CSMD1: variants seen among roughly 807,000 people sequenced by gnomAD.
CSMD1 encodes CUB and sushi domain-containing protein 1.
Under a neutral mutation model 417.5 loss-of-function variants are expected in CSMD1, and 213 were observed. The ratio of observed to expected loss-of-function variants is 0.51; its 90% CI spans 0.46 to 0.57. CSMD1 has a LOEUF of 0.57. CSMD1 is among the 20% of genes least tolerant of loss of function. The pLI, the probability that CSMD1 is intolerant of heterozygous loss-of-function variation, is 0.00. For synonymous variants in CSMD1, 2,862 were observed against 1,736.8 expected (o/e 1.65, Z -16.11); for missense variants, 6,923 against 4,529.7 (o/e 1.53, Z -15.17).
At chr8:3,606,683 A>T (rs889144743) in intron 8 of CSMD1, among the ~76,000 whole-genome samples, 1 of 150,168 alleles carries the variant, frequency 6.7e-6, no homozygotes, top group Admixed American at 6.7e-5. Context: ...AATTAACCTT[A>T]ACTTACTGTA....
intron 5 of CSMD1, among the ~76,000 whole-genome samples, chr8:3,951,778 G>C (rs576883276): frequency 6.6e-6 from 1 of 152,086 alleles, no homozygotes; most frequent in Admixed American, 6.6e-5. Flanking sequence ...GGTGACCTGT[G>C]CTGAGAACAA....
chr8:4,683,876 G>A (rs1277611218), intron 1 of CSMD1, among the ~76,000 whole-genome samples: 1 of 152,190 alleles, frequency 6.6e-6, no homozygotes, highest in Non-Finnish European at 1.5e-5. Flanking sequence ...ATCACTAATT[G>A]TCAAGAACTT....
At chr8:3,249,749 A>C (rs549500464) in intron 26 of CSMD1, among the ~76,000 whole-genome samples, 5 of 51,616 alleles carry the variant, frequency 9.7e-5, no homozygotes, top group Admixed American at 2.4e-4. Flanking sequence ...GAATGTGTTT[A>C]TTTCCGTTTT....
intron 2 of CSMD1, among the ~76,000 whole-genome samples, chr8:4,462,594 T>C (rs1799902406): frequency 6.6e-6 from 1 of 152,172 alleles, no homozygotes; most frequent in African/African-American, 2.4e-5. Context: ...CAGCACTTTC[T>C]AGGAAACCGC....
intron 2 of CSMD1, among the ~76,000 whole-genome samples, chr8:4,635,906 A>G (rs2617001): frequency 0.34 from 51,524 of 151,892 alleles, 9,073 homozygotes; most frequent in Non-Finnish European, 0.38. Context: ...TGAAAGGTAA[A>G]CATGCTACTA....
At chr8:3,104,475 G>A (rs1815984352) in intron 46 of CSMD1, among the ~76,000 whole-genome samples, 1 of 152,010 alleles carries the variant, frequency 6.6e-6, no homozygotes, top group African/African-American at 2.4e-5. Context: ...CTGGCCCTCT[G>A]CTCAGGTAGC....
intron 10 of CSMD1, among the ~76,000 whole-genome samples, chr8:3,502,377 A>C (rs1018843807): frequency 8.6e-5 from 13 of 151,630 alleles, no homozygotes; most frequent in Middle Eastern, 3.4e-3. Context: ...AAAAAAAAAA[A>C]AAAAGAAGTA....
chr8:4,788,569 CAG>C, intron 1 of CSMD1: 1 of 1,337,862 alleles, frequency 7.5e-7, no homozygotes, highest in Non-Finnish European at 1.0e-6. Context: ...ACAAGAAAAT[CAG>C]AGAATGTAAT....
intron 5 of CSMD1, among the ~76,000 whole-genome samples, chr8:3,922,944 G>C (rs925324123): frequency 1.3e-5 from 2 of 152,188 alleles, no homozygotes; most frequent in African/African-American, 4.8e-5. Flanking sequence ...GAAACAGATT[G>C]TGTGAGCCCC....
intron 1 of CSMD1, among the ~76,000 whole-genome samples, chr8:4,980,310 C>T (rs369536355): frequency 3.0e-4 from 46 of 152,248 alleles, no homozygotes; most frequent in African/African-American, 1.1e-3. Flanking sequence ...GCCACAAGGG[C>T]TGTGTGCCTA....
intron 23 of CSMD1, among the ~76,000 whole-genome samples, chr8:3,329,957 A>G (rs1217401678): frequency 2.6e-5 from 4 of 152,240 alleles, no homozygotes; most frequent in Admixed American, 1.3e-4. Flanking sequence ...ATTAATATAC[A>G]ATCATCTATT....
At chr8:4,367,551 G>C (rs370734073) in intron 3 of CSMD1, among the ~76,000 whole-genome samples, 1 of 151,972 alleles carries the variant, frequency 6.6e-6, no homozygotes, top group South Asian at 2.1e-4. Flanking sequence ...GGGGCTCTTT[G>C]GGCTCCATAT....
chr8:3,267,405 G>A (rs1355912757), intron 26 of CSMD1, among the ~76,000 whole-genome samples: 2 of 152,186 alleles, frequency 1.3e-5, no homozygotes, highest in Non-Finnish European at 2.9e-5. Context: ...GCAAGGCTTC[G>A]CTGCAACAAT....
intron 3 of CSMD1, among the ~76,000 whole-genome samples, chr8:4,041,242 C>G (rs917686954): frequency 3.3e-5 from 5 of 152,136 alleles, no homozygotes; most frequent in South Asian, 2.1e-4. Context: ...TGGTCACGAT[C>G]TCCTGACCTC....
intron 6 of CSMD1, among the ~76,000 whole-genome samples, 177 bp from the exon 7 acceptor site, chr8:3,708,668 G>T (rs976770856): frequency 1.3e-5 from 2 of 152,164 alleles, no homozygotes; most frequent in African/African-American, 4.8e-5. Flanking sequence ...AATAATTATT[G>T]TGAGGCTATC....
Position 4,189,018 on chromosome 8 carries a change from T to A in CSMD1, c.416-156919A>T, listed in dbSNP as rs531236465. On this transcript the variant is annotated intron_variant, in intron 3 of 69. Coordinates refer to ENST00000635120, the MANE Select transcript of CSMD1 (RefSeq NM_033225.6). ...GATGTAAACAGAAATACACGGTTACTGGGCAAAGCCACTGAAAGCCCAGGT... is the reference window on the plus strand; with the variant it reads ...GATGTAAACAGAAATACACGGTTACAGGGCAAAGCCACTGAAAGCCCAGGT... Among the ~76,000 whole-genome samples the A allele has an allele frequency of 2.0e-5, 3 of 152,274 alleles. No individual in the cohort carries two copies. In the South Asian group the frequency reaches 6.2e-4, roughly 32 times the overall value.
chr8:4,386,568 T>C (rs977883464), intron 3 of CSMD1, among the ~76,000 whole-genome samples: 4 of 152,180 alleles, frequency 2.6e-5, no homozygotes, highest in African/African-American at 9.7e-5. Context: ...GTAAGACCTA[T>C]AAGAGAGAAA....
chr8:4,797,864 A>C (rs1438130178), intron 1 of CSMD1, among the ~76,000 whole-genome samples: 1 of 152,220 alleles, frequency 6.6e-6, no homozygotes, highest in Non-Finnish European at 1.5e-5. Flanking sequence ...ACATTTCCTC[A>C]TGGATTTTAC....
At chr8:3,439,093 A>G (rs1814766338) in intron 12 of CSMD1, among the ~76,000 whole-genome samples, 1 of 118,290 alleles carries the variant, frequency 8.5e-6, no homozygotes, top group Non-Finnish European at 1.6e-5. Flanking sequence ...ACTGCACTCC[A>G]GCCTGGGTGA....
Sources: allele counts gnomAD v4.1 joint callset (sites outside exome capture counted in the v4.1 genomes callset), GRCh38; gene constraint gnomAD v4.1.1; transcripts MANE v1.5; gene names NCBI Gene and HGNC (gene_info 2026-07-23, HGNC 2026-07-21).